Variants in PAMR1 observed in about 807,000 individuals in gnomAD.
The protein encoded by PAMR1 is inactive serine protease PAMR1.
In PAMR1, 88 loss-of-function variants were observed where a neutral mutation model predicts 81.8. The observed-to-expected ratio is 1.08, with a 90% CI of 0.91 to 1.28. PAMR1 has a LOEUF of 1.28. Among genes scored for constraint, PAMR1 ranks in the 50% most tolerant of loss-of-function variants. The pLI, the probability that PAMR1 is intolerant of heterozygous loss-of-function variation, is 0.00. For synonymous variants in PAMR1, 336 were observed against 345.3 expected (o/e 0.97, Z 0.30); for missense variants, 935 against 919.7 (o/e 1.02, Z -0.21).
At chr11:35,502,829 C>G (rs1850876805) in intron 1 of PAMR1, among the ~76,000 whole-genome samples, 1 of 141,942 alleles carries the variant, frequency 7.0e-6, no homozygotes, top group Admixed American at 7.1e-5. Flanking sequence ...TGTGCAGAAG[C>G]CTTTAAGCTT....
chr11:35,461,221 T>G lies in PAMR1; in HGVS notation c.820+6780A>C, dbSNP rs1203843516. Among the ~76,000 whole-genome samples the G allele has an allele frequency of 2.0e-5, 3 of 152,230 alleles. No homozygotes were observed. In the East Asian group the frequency reaches 5.8e-4, roughly 29 times the overall value. ...TGCCAAAGCAAAAGCCAAAAGGCCC[T>G]TGGCAAGAAGCAGACAGGTGCAAGC... On this transcript the variant is annotated intron_variant, in intron 6 of 10. Coordinates refer to ENST00000619888, the MANE Select transcript of PAMR1 (RefSeq NM_001001991.3).
At chr11:35,441,302 C>CAA (rs113713187) in intron 7 of PAMR1, among the ~76,000 whole-genome samples, 179 bp downstream of exon 7, 2 of 141,012 alleles carry the variant, frequency 1.4e-5, no homozygotes, top group African/African-American at 5.1e-5. Context: ...CTCTTGAGGT[C>CAA]AAAAAAAAAA....
In PAMR1 at chr11:35,432,514, C is replaced by T. The variant is rs753541038; in HGVS notation, c.2005G>A (p.Ala669Thr). The T allele has an allele frequency of 2.0e-5, 32 of 1,614,220 alleles. No homozygotes were observed. The highest frequency in any genetic ancestry group is 6.7e-5 in the East Asian group (3 of 44,880). The change falls in exon 11 of 11, where the codon GCG becomes ACG. Residue 669 changes from alanine (A) to threonine (T), a missense_variant. Coordinates refer to ENST00000619888, the MANE Select transcript of PAMR1 (RefSeq NM_001001991.3). Reference sequence around the variant, plus strand: ...GCTCGTCCCGGGAAGGACACAGCCGCGATGCCTCCTGTCTCTGCAGTGCAG... The same window carrying T: ...GCTCGTCCCGGGAAGGACACAGCCGTGATGCCTCCTGTCTCTGCAGTGCAG... ...DICTAETGGIAAVSFPGRASP... is the reference protein window; with the variant it reads ...DICTAETGGITAVSFPGRASP...
intron 3 of PAMR1, among the ~76,000 whole-genome samples, chr11:35,478,452 C>T (rs1053853907): frequency 1.3e-5 from 2 of 152,144 alleles, no homozygotes; most frequent in African/African-American, 2.4e-5. Flanking sequence ...AGAGTTGGCC[C>T]CAAGATGGGG....
rs1851237681 is a variant in PAMR1, at chr11:35,519,790, A to G, written c.73+5723T>C. On this transcript the variant is annotated intron_variant, in intron 1 of 10. Transcript: ENST00000619888. ...ATAATCAGACACCCTTACTAACACC[A>G]TGATTTTTTATCATTTCGCCAAAAT... 2.0e-5 allele frequency among the ~76,000 whole-genome samples: 3 copies of G among 152,260 alleles called. No homozygotes were observed. The South Asian group carries it at 6.2e-4, about 32-fold the overall frequency.
upstream of PAMR1, among the ~76,000 whole-genome samples, chr11:35,527,384 A>T (rs991880567): frequency 1.6e-4 from 25 of 152,222 alleles, no homozygotes; most frequent in African/African-American, 5.8e-4. Context: ...TTAAGTGCAC[A>T]CTAAATATTA....
chr11:35,449,366 G>C (rs1416275922), intron 6 of PAMR1, among the ~76,000 whole-genome samples: 1 of 152,194 alleles, frequency 6.6e-6, no homozygotes, highest in African/African-American at 2.4e-5. Context: ...CCTCCCCACA[G>C]AGGCTCTGTC....
intron 8 of PAMR1, among the ~76,000 whole-genome samples, chr11:35,437,658 A>T (rs1008920145): frequency 1.3e-5 from 2 of 152,234 alleles, no homozygotes; most frequent in Admixed American, 1.3e-4. Flanking sequence ...CTTAAAACCA[A>T]GTTTCAGCCT....
intron 3 of PAMR1, among the ~76,000 whole-genome samples, chr11:35,476,385 G>T (rs1479173269): frequency 6.6e-6 from 1 of 152,160 alleles, no homozygotes; most frequent in African/African-American, 2.4e-5. Flanking sequence ...CATGGGAAAG[G>T]TTACTTTCAT....
In PAMR1 at chr11:35,521,920, T is replaced by TTTTTG. The variant is rs1555045602; in HGVS notation, c.73+3588_73+3592dup. On this transcript the variant is annotated intron_variant, in intron 1 of 10. Coordinates refer to ENST00000619888, the MANE Select transcript of PAMR1 (RefSeq NM_001001991.3). ...TTCAAATCGTTTTTTGTTTGGTTTTTTTTTGTTTTGTTTTGTTTTGGAGAC... is the reference window on the plus strand; with the variant it reads ...TTCAAATCGTTTTTTGTTTGGTTTTTTTTTGTTTTGTTTTGTTTTGTTTTGGAGAC... 6.8e-3 allele frequency among the ~76,000 whole-genome samples: 1,039 copies of TTTTTG among 152,106 alleles called. 11 individuals are homozygous for TTTTTG. Among genetic ancestry groups the TTTTTG allele is most frequent in the African/African-American group, 0.023 (961 of 41,458 alleles).
intron 6 of PAMR1, among the ~76,000 whole-genome samples, chr11:35,458,921 C>G (rs944219284): frequency 6.6e-6 from 1 of 152,128 alleles, no homozygotes; most frequent in Non-Finnish European, 1.5e-5. Flanking sequence ...ATTTTTTACT[C>G]CCAGGAAGGT....
intron 10 of PAMR1, among the ~76,000 whole-genome samples, 178 bp downstream of exon 10, chr11:35,434,334 C>T (rs1855983132): frequency 6.6e-6 from 1 of 151,698 alleles, no homozygotes; most frequent in East Asian, 1.9e-4. Flanking sequence ...GACTCCACAG[C>T]CTTTCTAGGT....
intron 1 of PAMR1, among the ~76,000 whole-genome samples, chr11:35,501,634 C>T (rs1361592004): frequency 6.6e-6 from 1 of 151,780 alleles, no homozygotes; most frequent in East Asian, 1.9e-4. Context: ...TTAGCCTAGG[C>T]CTACACAGGA....
intron 5 of PAMR1, among the ~76,000 whole-genome samples, chr11:35,469,094 A>C (rs1856806265): frequency 6.6e-6 from 1 of 152,264 alleles, no homozygotes; most frequent in East Asian, 1.9e-4. Context: ...AAAAAAGGGC[A>C]AAGCCATAGC....
At chr11:35,523,078 A>T (rs1420655217) in intron 1 of PAMR1, among the ~76,000 whole-genome samples, 3 of 152,118 alleles carry the variant, frequency 2.0e-5, no homozygotes, top group Non-Finnish European at 2.9e-5. Flanking sequence ...TTAGGGGAAC[A>T]CCCTCTTCAT....
At position 35,432,172 on chromosome 11, in the gene PAMR1, C is replaced by T. The variant is rs7767; in HGVS notation, c.*184G>A. 321,164 of 604,340 alleles carry T rather than the reference C, an allele frequency of 0.53. 87,680 individuals are homozygous for T. The highest frequency in any genetic ancestry group is 0.71 in the East Asian group (25,655 of 36,120). 37.4% of individuals were successfully genotyped at this position (604,340 alleles called of 1,614,324 possible). A position where few individuals can be genotyped will look rare whatever the true frequency, so the allele number is the denominator to read the frequency against. On this transcript the variant is annotated 3_prime_UTR_variant, in exon 11 of 11. Coordinates refer to ENST00000619888, the MANE Select transcript of PAMR1 (RefSeq NM_001001991.3). ...CAATTGGCTGTCCTAGTAGTGGACGCGGCATCAGCCTACCAGCAATGGAGG... is the reference window on the plus strand; with the variant it reads ...CAATTGGCTGTCCTAGTAGTGGACGTGGCATCAGCCTACCAGCAATGGAGG...
In PAMR1 at chr11:35,436,149, C is replaced by T. The variant is rs1856039400; in HGVS notation, c.1101-14G>A. Reference sequence around the variant, plus strand: ...AATGGTGTCTCCCTGGGTCAGGAAACATGGGCCCAGAGAAAGAGCAGGGTG... The same window carrying T: ...AATGGTGTCTCCCTGGGTCAGGAAATATGGGCCCAGAGAAAGAGCAGGGTG... On this transcript the variant is annotated splice_polypyrimidine_tract_variant and intron_variant, in intron 8 of 10. Transcript: ENST00000619888. 1 of 1,570,548 alleles carries T rather than the reference C, an allele frequency of 6.4e-7. No individual in the cohort carries two copies. Among genetic ancestry groups the T allele is most frequent in the Non-Finnish European group, 8.8e-7 (1 of 1,141,068 alleles).
chr11:35,509,379 C>T (rs1480122095), intron 1 of PAMR1, among the ~76,000 whole-genome samples: 1 of 152,268 alleles, frequency 6.6e-6, no homozygotes, highest in African/African-American at 2.4e-5. Flanking sequence ...TGTGGAAGGG[C>T]CACATTGGCC....
At chr11:35,434,019 G>A (rs1449738360) in intron 10 of PAMR1, among the ~76,000 whole-genome samples, 1 of 152,150 alleles carries the variant, frequency 6.6e-6, no homozygotes, top group Non-Finnish European at 1.5e-5. Context: ...AAATGTAATA[G>A]GTGATTAACC....
Sources: gnomAD v4.1 joint callset for allele counts (sites outside exome capture counted in the v4.1 genomes callset) on GRCh38, gnomAD v4.1.1 for gene constraint, MANE v1.5 for transcripts, NCBI Gene and HGNC (gene_info 2026-07-23, HGNC 2026-07-21) for gene names.